FBXL5: variants seen among roughly 807,000 people sequenced by gnomAD.
FBXL5 encodes F-box and leucine rich repeat protein 5.
A neutral mutation model predicts 78.3 loss-of-function variants in FBXL5; 26 were observed. That is an observed-to-expected ratio of 0.33 (90% CI 0.24 to 0.46). FBXL5 has a LOEUF of 0.46. Among genes scored for constraint, FBXL5 ranks in the 20% least tolerant of loss-of-function variants. The pLI is 1.00. For missense variants in FBXL5, 710 were observed against 829.2 expected (o/e 0.86, Z 1.77); for synonymous variants, 295 against 282.5 (o/e 1.04, Z -0.45).
chr4:15,635,073 CGTA>C (rs1714105950), intron 5 of FBXL5, among the ~76,000 whole-genome samples: 1 of 151,988 alleles, frequency 6.6e-6, no homozygotes, highest in Non-Finnish European at 1.5e-5. Flanking sequence ...GGCTCAAGCC[CGTA>C]ATCCCAGCAC....
At chr4:15,641,524 C>A in intron 2 of FBXL5, 1 of 409,260 alleles carries the variant, frequency 2.4e-6, no homozygotes, top group East Asian at 7.4e-5. Flanking sequence ...TCTAGCTTAC[C>A]TTACTGTAAG....
At chr4:15,645,072 T>C (rs1211631516) in intron 1 of FBXL5, among the ~76,000 whole-genome samples, 1 of 152,034 alleles carries the variant, frequency 6.6e-6, no homozygotes, top group Non-Finnish European at 1.5e-5. Flanking sequence ...GAAACTTGAT[T>C]AGGTTAAATA....
intron 6 of FBXL5, among the ~76,000 whole-genome samples, chr4:15,628,868 C>G (rs1397504692): frequency 6.6e-6 from 1 of 151,912 alleles, no homozygotes; most frequent in Non-Finnish European, 1.5e-5. Flanking sequence ...TATTCCCAAA[C>G]CATTCTTTTG....
chr4:15,612,434 A>C lies in FBXL5; in HGVS notation c.1851-20T>G. ...AAAACCCTGTAAGAAAAATAATTTG[A>C]CAATTAGAAGATACTAATCTATAAA... is the stretch of plus-strand genomic sequence containing the variant. On this transcript the variant is annotated intron_variant, in intron 9 of 10. Transcript: ENST00000341285. 6.3e-7 allele frequency: 1 copy of C among 1,588,640 alleles called. No individual in the cohort carries two copies. Among genetic ancestry groups the C allele is most frequent in the Non-Finnish European group, 8.5e-7 (1 of 1,173,358 alleles).
intron 2 of FBXL5, among the ~76,000 whole-genome samples, chr4:15,643,839 A>T (rs1715126640): frequency 6.6e-6 from 1 of 152,266 alleles, no homozygotes; most frequent in Non-Finnish European, 1.5e-5. Context: ...AAATGTTAAC[A>T]GAATGTAAAA....
intron 10 of FBXL5, among the ~76,000 whole-genome samples, chr4:15,607,937 C>A (rs1010292085): frequency 2.0e-5 from 3 of 152,130 alleles, no homozygotes; most frequent in Non-Finnish European, 4.4e-5. Context: ...AATGTCTATA[C>A]CATTAAGTCC....
chr4:15,638,552 C>G lies in FBXL5; in HGVS notation c.539G>C (p.Arg180Pro). 1 of 1,601,410 alleles carries G rather than the reference C, an allele frequency of 6.2e-7. No homozygotes were observed. Among genetic ancestry groups the G allele is most frequent in the Non-Finnish European group, 8.5e-7 (1 of 1,176,828 alleles). ...GLSLWNHAEERQKFFKYSVDE... is the reference protein window; with the variant it reads ...GLSLWNHAEEPQKFFKYSVDE... ...CACGGAATATTTAAAAAACTTCTGT[C>G]GCTCTTCAGCATGATTCCATAGGCT... Residue 180 changes from arginine (R) to proline (P), a missense_variant, in exon 4 of 11, where the codon CGA (arginine) becomes CCA (proline). Arg to Pro is a moderately radical substitution (Grantham distance 103). Transcript: ENST00000341285.
At chr4:15,666,506 G>A (rs1351239562) in intron 1 of FBXL5, among the ~76,000 whole-genome samples, 1 of 152,154 alleles carries the variant, frequency 6.6e-6, no homozygotes, top group Non-Finnish European at 1.5e-5. Context: ...AGAGGCTGTG[G>A]GGGTGGGAAT....
At position 15,612,066 on chromosome 4, in the gene FBXL5, C is replaced by T. The variant is rs146486507; in HGVS notation, c.1999+200G>A. Reference sequence around the variant, plus strand: ...TGACACAATGGATATTTAGAATATACATCTGCAAGAAAAACTTACCTTTCA... The same window carrying T: ...TGACACAATGGATATTTAGAATATATATCTGCAAGAAAAACTTACCTTTCA... On this transcript the variant is annotated intron_variant, in intron 10 of 10. Transcript: ENST00000341285. The T allele has an allele frequency of 7.1e-4, 317 of 446,602 alleles. 3 individuals are homozygous for T. In the East Asian group the frequency reaches 7.8e-3, roughly 11 times the overall value. 27.7% of individuals were successfully genotyped at this position (446,602 alleles called of 1,614,324 possible). A position where few individuals can be genotyped will look rare whatever the true frequency, so the allele number is the denominator to read the frequency against.
At chr4:15,654,398 G>A (rs1716558144) in intron 1 of FBXL5, among the ~76,000 whole-genome samples, 1 of 152,168 alleles carries the variant, frequency 6.6e-6, no homozygotes, top group Non-Finnish European at 1.5e-5. Context: ...CCACAAAAGT[G>A]CCTCTTCAGC....
chr4:15,670,459 T>A (rs1490383133), intron 1 of FBXL5, among the ~76,000 whole-genome samples: 1 of 152,236 alleles, frequency 6.6e-6, no homozygotes, highest in East Asian at 1.9e-4. Flanking sequence ...TACCATCATA[T>A]CTTTTTTCAT....
rs780467814 is a variant in FBXL5, at chr4:15,625,835, T to C, written c.1267A>G (p.Thr423Ala). The change falls in exon 9 of 11, where the codon ACA becomes GCA. Residue 423 changes from threonine (T) to alanine (A), a missense_variant. Physicochemically the swap from Thr to Ala is moderately conservative, Grantham distance 58 (BLOSUM62 0). This residue lies in a region of FBXL5 where 517 missense variants were observed against 542.9 expected (regional missense o/e 0.95). Transcript: ENST00000341285. ...SHQSGFLKTS[T>A]SKITSTAWKN... ...CACGCAGTTGAAGTAATTTTGCTTG[T>C]AGATGTTTTCAAAAAGCCACTTTGA... 13 of 1,614,060 alleles carry C rather than the reference T, an allele frequency of 8.1e-6. No individual in the cohort carries two copies. Among genetic ancestry groups the C allele is most frequent in the East Asian group, 2.2e-5 (1 of 44,902 alleles).
chr4:15,643,386 A>C (rs962158313), intron 2 of FBXL5, among the ~76,000 whole-genome samples: 1 of 152,246 alleles, frequency 6.6e-6, no homozygotes, highest in South Asian at 2.1e-4. Context: ...CCAGAAGGGA[A>C]ATAAACTAAG....
Position 15,610,391 on chromosome 4 carries a change from TA to T in FBXL5, c.1999+1874del, listed in dbSNP as rs1722168407. Among the ~76,000 whole-genome samples the T allele has an allele frequency of 2.6e-5, 4 of 152,246 alleles. No individual in the cohort carries two copies. The South Asian group carries it at 8.3e-4, about 31-fold the overall frequency. ...CCCCAAATCATGCTTCAATAAGCTATAAAAGGAGAGTTAATATTGGATTATA... is the reference window on the plus strand; with the variant it reads ...CCCCAAATCATGCTTCAATAAGCTATAAAGGAGAGTTAATATTGGATTATA... On this transcript the variant is annotated intron_variant, in intron 10 of 10. Coordinates refer to ENST00000341285, the MANE Select transcript of FBXL5 (RefSeq NM_012161.4).
At position 15,618,440 on chromosome 4, in the gene FBXL5, G is replaced by A. The variant is rs62290569; in HGVS notation, c.1851-6026C>T. Among the ~76,000 whole-genome samples, 1,189 of 152,270 alleles carry A rather than the reference G, an allele frequency of 7.8e-3. 4 individuals are homozygous for A. The highest frequency in any genetic ancestry group is 0.013 in the Non-Finnish European group (890 of 68,012). ...AAGAAATACCCAAACTGATCAAGAA[G>A]AAACAGAAAATCTGAATTGACTTAT... On this transcript the variant is annotated intron_variant, in intron 9 of 10. Transcript: ENST00000341285.
At chr4:15,658,319 C>A (rs1288531658), upstream of FBXL5, among the ~76,000 whole-genome samples, 1 of 152,242 alleles carries the variant, frequency 6.6e-6, no homozygotes, top group Non-Finnish European at 1.5e-5. Context: ...AGTCAATCAA[C>A]AACTGCTGCA....
rs1712924529 is a variant in FBXL5, at chr4:15,625,339, C to T, written c.1763G>A (p.Gly588Glu). ...AGTCTCTTGATCAGATTTTTCACTCCCAAAGTAAATTAAGTCTTTTCCCCT... is the reference window on the plus strand; with the variant it reads ...AGTCTCTTGATCAGATTTTTCACTCTCAAAGTAAATTAAGTCTTTTCCCCT... The part of the protein sequence containing the change: ...LPRGKDLIYF[G>E]SEKSDQETGR... The change falls in exon 9 of 11, where the codon GGG becomes GAG. Residue 588 changes from glycine (G) to glutamate (E), a missense_variant. Around this residue, in one of 4 missense-constraint regions of FBXL5, gnomAD observed 517 missense variants for 542.9 expected, o/e 0.95. Transcript: ENST00000341285. 1 of 1,614,054 alleles carries T rather than the reference C, an allele frequency of 6.2e-7. No homozygotes were observed. The highest frequency in any genetic ancestry group is 1.3e-5 in the African/African-American group (1 of 74,928).
At chr4:15,649,278 G>T (rs146415870) in intron 1 of FBXL5, among the ~76,000 whole-genome samples, 1 of 152,030 alleles carries the variant, frequency 6.6e-6, no homozygotes, top group Non-Finnish European at 1.5e-5. Flanking sequence ...AGTAAATTTA[G>T]CAGTTAAAAG....
intron 5 of FBXL5, among the ~76,000 whole-genome samples, chr4:15,634,132 T>C (rs886780201): frequency 6.6e-5 from 10 of 152,176 alleles, no homozygotes; most frequent in African/African-American, 4.8e-5. Flanking sequence ...ATCAATTTGA[T>C]TGAGAACCAC....
Sources: allele counts gnomAD v4.1 joint callset (sites outside exome capture counted in the v4.1 genomes callset), GRCh38; gene constraint gnomAD v4.1.1; regional missense constraint gnomAD v4.1.1; transcripts MANE v1.5; gene names NCBI Gene and HGNC (gene_info 2026-07-23, HGNC 2026-07-21).